SEMA3C: variants seen among roughly 807,000 people sequenced by gnomAD.
SEMA3C encodes semaphorin 3C.
Under a neutral mutation model 89.4 loss-of-function variants are expected in SEMA3C, and 47 were observed. The observed-to-expected ratio is 0.53, with a 90% CI of 0.42 to 0.67. The LOEUF is 0.67. Among genes scored for constraint, SEMA3C ranks in the 30% least tolerant of loss-of-function variants. SEMA3C has a pLI of 0.00. For missense variants in SEMA3C, 839 were observed against 929.1 expected (o/e 0.90, Z 1.26); for synonymous variants, 310 against 320.2 (o/e 0.97, Z 0.34).
chr7:80,831,358 G>C (rs929395613), intron 2 of SEMA3C, among the ~76,000 whole-genome samples: 4 of 152,160 alleles, frequency 2.6e-5, no homozygotes, highest in African/African-American at 9.7e-5. Context: ...AGTTTAAACT[G>C]TTGTCAAGTT....
chr7:80,845,085 T>C (rs1025026944), intron 2 of SEMA3C, among the ~76,000 whole-genome samples: 1 of 152,116 alleles, frequency 6.6e-6, no homozygotes, highest in Admixed American at 6.6e-5. Flanking sequence ...CCCAACCCTG[T>C]TGATACGACC....
At chr7:80,819,228 A>ACTG (rs769557993) in intron 4 of SEMA3C, among the ~76,000 whole-genome samples, 13,069 of 152,210 alleles carry the variant, frequency 0.086, 579 homozygotes, top group African/African-American at 0.1. Flanking sequence ...AGAAATATTA[A>ACTG]AACAACATGG....
intron 4 of SEMA3C, among the ~76,000 whole-genome samples, chr7:80,822,588 A>C (rs1789780460): frequency 6.6e-6 from 1 of 152,094 alleles, no homozygotes; most frequent in Admixed American, 6.5e-5. Context: ...ATTGCAGAGA[A>C]GACAGAGTAG....
intron 11 of SEMA3C, among the ~76,000 whole-genome samples, chr7:80,793,646 C>T (rs1033944353): frequency 2.0e-5 from 3 of 152,006 alleles, no homozygotes; most frequent in Non-Finnish European, 4.4e-5. Context: ...AAGTTTATAA[C>T]AGTGGAGAAC....
chr7:80,862,162 T>C (rs1790787586), intron 2 of SEMA3C, among the ~76,000 whole-genome samples: 1 of 152,134 alleles, frequency 6.6e-6, no homozygotes, highest in Admixed American at 6.6e-5. Flanking sequence ...TGTCACTGTT[T>C]GCTGATGATA....
chr7:80,867,526 A>G (rs1790955663), intron 2 of SEMA3C, among the ~76,000 whole-genome samples: 1 of 152,128 alleles, frequency 6.6e-6, no homozygotes, highest in South Asian at 2.1e-4. Context: ...TTTTTCTTCA[A>G]TGCTGAGTCC....
chr7:80,760,468 T>C (rs2117051168), intron 14 of SEMA3C, among the ~76,000 whole-genome samples: 1 of 152,326 alleles, frequency 6.6e-6, no homozygotes. Flanking sequence ...TTCTCGTTAC[T>C]TGGGAAAATG....
intron 13 of SEMA3C, among the ~76,000 whole-genome samples, chr7:80,763,783 C>A (rs757757806): frequency 1.3e-5 from 2 of 151,222 alleles, no homozygotes; most frequent in African/African-American, 4.8e-5. Context: ...CCAAGTTCTC[C>A]CTACTGAGTT....
At chr7:80,753,837 C>T (rs1034396069) in intron 15 of SEMA3C, among the ~76,000 whole-genome samples, 5 of 152,224 alleles carry the variant, frequency 3.3e-5, no homozygotes, top group Admixed American at 1.3e-4. Flanking sequence ...CTGTTAGAGA[C>T]TATACTGCAA....
chr7:80,847,788 G>A (rs1369770783), intron 2 of SEMA3C, among the ~76,000 whole-genome samples: 3 of 152,106 alleles, frequency 2.0e-5, no homozygotes, highest in African/African-American at 7.2e-5. Context: ...GAAAGCATAC[G>A]CTAGACAGAG....
At chr7:80,907,813 TATG>T (rs2116225821) in intron 2 of SEMA3C, among the ~76,000 whole-genome samples, 1 of 152,148 alleles carries the variant, frequency 6.6e-6, no homozygotes, top group South Asian at 2.1e-4. Context: ...CTGCTTGAGT[TATG>T]ATAACTAGCG....
intron 2 of SEMA3C, among the ~76,000 whole-genome samples, chr7:80,898,058 C>T (rs939959492): frequency 1.3e-5 from 2 of 151,910 alleles, no homozygotes; most frequent in Non-Finnish European, 2.9e-5. Context: ...TAAAATATAT[C>T]GTAGATTAAA....
rs1339809419 is a variant in SEMA3C, at chr7:80,918,970, TTC to T, written c.-183_-182del. On this transcript the variant is annotated 5_prime_UTR_variant, in exon 1 of 18. Transcript: ENST00000265361. ...ATTCTTTCTTCCCGGTCCTCTGAGT[TTC>T]TTTGTAAAGGAATCTCAGCGCTGCA... 2 of 985,298 alleles carry T rather than the reference TTC, an allele frequency of 2.0e-6. No homozygotes were observed. The highest frequency in any genetic ancestry group is 2.4e-6 in the Non-Finnish European group (2 of 829,934). The allele number at this position is 985,298 out of a possible 1,614,324, so 61.0% of individuals were successfully genotyped here. A position where few individuals can be genotyped will look rare whatever the true frequency, so the allele number is the denominator to read the frequency against.
intron 2 of SEMA3C, among the ~76,000 whole-genome samples, chr7:80,881,164 A>AACACACACAC (rs71802410): frequency 2.1e-4 from 28 of 135,530 alleles, no homozygotes; most frequent in Admixed American, 1.1e-3. Context: ...TGGAGAAAGA[A>AACACACACAC]ACACACACAC....
At chr7:80,911,970 C>T (rs372621149) in intron 2 of SEMA3C, among the ~76,000 whole-genome samples, 2 of 151,898 alleles carry the variant, frequency 1.3e-5, no homozygotes, top group African/African-American at 2.4e-5. Context: ...TTCGTATGAC[C>T]GATTAACAAA....
rs758736672 is a variant in SEMA3C, at chr7:80,873,754, C to T, written c.103+42925G>A. Among the ~76,000 whole-genome samples, 18 of 152,242 alleles carry T rather than the reference C, an allele frequency of 1.2e-4. 1 individual carries two copies. The highest frequency in any genetic ancestry group is 1.8e-4 in the Non-Finnish European group (12 of 68,026). ...TTGATTTTAAGTGAAATGAGAAAAT[C>T]TTTGAATTGTGGTATGCAAGGGAGT... On this transcript the variant is annotated intron_variant, in intron 2 of 17. Transcript: ENST00000265361.
intron 12 of SEMA3C, among the ~76,000 whole-genome samples, chr7:80,777,906 G>T (rs1185764912): frequency 6.6e-6 from 1 of 152,106 alleles, no homozygotes; most frequent in Non-Finnish European, 1.5e-5. Context: ...CAAAAAATCA[G>T]AAAACAACAA....
At chr7:80,895,632 G>T (rs1791715889) in intron 2 of SEMA3C, among the ~76,000 whole-genome samples, 1 of 152,092 alleles carries the variant, frequency 6.6e-6, no homozygotes, top group African/African-American at 2.4e-5. Flanking sequence ...TTAGAATGTT[G>T]CAGAGATTAT....
chr7:80,866,007 G>A (rs1790918739), intron 2 of SEMA3C, among the ~76,000 whole-genome samples: 1 of 152,080 alleles, frequency 6.6e-6, no homozygotes, highest in African/African-American at 2.4e-5. Context: ...CACTTGTAGT[G>A]CCTAATTCAA....
Sources: allele counts gnomAD v4.1 joint callset (sites outside exome capture counted in the v4.1 genomes callset), GRCh38; gene constraint gnomAD v4.1.1; transcripts MANE v1.5; gene names NCBI Gene and HGNC (gene_info 2026-07-23, HGNC 2026-07-21).